Variants in MTFR1L observed in about 807,000 individuals in gnomAD.
MTFR1L encodes mitochondrial fission regulator 1 like.
A neutral mutation model predicts 27.9 loss-of-function variants in MTFR1L; 10 were observed. That is an observed-to-expected ratio of 0.36 (90% CI 0.22 to 0.61). MTFR1L has a LOEUF of 0.61. Among genes scored for constraint, MTFR1L ranks in the 20% least tolerant of loss-of-function variants. The probability of loss-of-function intolerance (pLI) is 0.73; values close to 1 mark genes in which losing one functional copy is unlikely to be tolerated. For synonymous variants in MTFR1L, 151 were observed against 139.4 expected (o/e 1.08, Z -0.58); for missense variants, 315 against 363.7 (o/e 0.87, Z 1.09).
intron 1 of MTFR1L, chr1:25,821,870 A>C (rs2048097833): frequency 6.6e-6 from 1 of 152,024 alleles, no homozygotes; most frequent in South Asian, 2.1e-4. Context: ...ATGTCCTATC[A>C]CTCTGCTGGA....
In MTFR1L at chr1:25,831,925, C is replaced by T. The variant is rs747804055; in HGVS notation, c.778C>T (p.Arg260Trp). 20 of 1,613,796 alleles carry T rather than the reference C, an allele frequency of 1.2e-5. No individual in the cohort carries two copies. In the East Asian group the frequency reaches 1.6e-4, roughly 13 times the overall value. Residue 260 changes from arginine (R) to tryptophan (W), a missense_variant, in exon 7 of 7, where the codon CGG becomes TGG. By Grantham distance (101) the Arg-to-Trp change is moderately radical. Transcript: ENST00000374303. ...HRMKQSQDLNRSLLKEEDPAV... is the reference protein window; with the variant it reads ...HRMKQSQDLNWSLLKEEDPAV... ...AAGCTATTATTGTGTCTCTAGGAAC[C>T]GGAGTTTATTGAAGGAGGAAGACCC... is the stretch of plus-strand genomic sequence containing the variant.
intron 1 of MTFR1L, chr1:25,820,845 T>C: frequency 2.6e-6 from 1 of 382,278 alleles, no homozygotes. Context: ...CTAGTTCCTC[T>C]CGCGAGGACT....
At chr1:25,831,034 C>T (rs895567065) in intron 6 of MTFR1L, among the ~76,000 whole-genome samples, 16 of 152,288 alleles carry the variant, frequency 1.1e-4, no homozygotes, top group Admixed American at 1.0e-3. Context: ...GCCTTTTGGA[C>T]CAAATTAGAT....
At chr1:25,822,133 C>A (rs1046367353) in intron 1 of MTFR1L, 15 of 152,368 alleles carry the variant, frequency 9.8e-5, no homozygotes, top group African/African-American at 3.6e-4. Flanking sequence ...CTTAAGGTAG[C>A]CTCCAGTGGC....
chr1:25,824,774 GA>G (rs913539007), intron 3 of MTFR1L, among the ~76,000 whole-genome samples: 28 of 147,040 alleles, frequency 1.9e-4, no homozygotes, highest in Middle Eastern at 3.5e-3. Context: ...AGAAGCATCA[GA>G]AAAAAAAAAG....
chr1:25,828,441 G>A (rs1045809100), intron 5 of MTFR1L, among the ~76,000 whole-genome samples: 7 of 152,102 alleles, frequency 4.6e-5, no homozygotes, highest in African/African-American at 1.7e-4. Flanking sequence ...AAATTAGCTG[G>A]GCATCGCAGC....
At chr1:25,820,456 G>C (rs1454677932) in intron 1 of MTFR1L, 2 of 386,448 alleles carry the variant, frequency 5.2e-6, no homozygotes, top group Admixed American at 6.7e-5. Flanking sequence ...TCGCCCTGGC[G>C]GGTCCCCGCG....
intron 5 of MTFR1L, among the ~76,000 whole-genome samples, chr1:25,828,393 G>A (rs977457601): frequency 5.9e-5 from 9 of 152,184 alleles, no homozygotes; most frequent in Admixed American, 2.6e-4. Flanking sequence ...GACCAGCCTG[G>A]CCAACATGGT....
chr1:25,829,836 T>G lies in MTFR1L; in HGVS notation c.773+6T>G. On this transcript the variant is annotated splice_donor_region_variant and intron_variant, in intron 6 of 6. Coordinates refer to ENST00000374303, the MANE Select transcript of MTFR1L (RefSeq NM_001099625.2). ...ATGAAACAGAGTCAAGATCTGTAAG[T>G]ATCTGATGAGGAGCTCTGGTATCTA... 6.3e-7 allele frequency: 1 copy of G among 1,590,882 alleles called. No homozygotes were observed.
chr1:25,820,809 G>T (rs935648903), intron 1 of MTFR1L: 1 of 409,060 alleles, frequency 2.4e-6, no homozygotes. Context: ...GGCAGACACC[G>T]TGCTGTGCGC....
intron 3 of MTFR1L, 82 bp downstream of exon 3, chr1:25,823,830 A>C: frequency 6.6e-7 from 1 of 1,505,066 alleles, no homozygotes; most frequent in Non-Finnish European, 9.0e-7. Flanking sequence ...CTGCCCAAGT[A>C]GGTTGTTTCC....
At chr1:25,824,380 A>G (rs1473933130) in intron 3 of MTFR1L, among the ~76,000 whole-genome samples, 1 of 152,192 alleles carries the variant, frequency 6.6e-6, no homozygotes, top group Non-Finnish European at 1.5e-5. Flanking sequence ...TATTAGTCCC[A>G]GCTGCCTCCC....
intron 1 of MTFR1L, chr1:25,820,952 TGAA>T (rs1303990388): frequency 1.0e-5 from 3 of 300,152 alleles, no homozygotes; most frequent in African/African-American, 4.7e-5. Flanking sequence ...TGAGGAATGA[TGAA>T]GAATGAGCTC....
rs2048156002 is a variant in MTFR1L at position 25,825,498 on chromosome 1, T to C, written c.130-804T>C. 3 of 152,300 alleles carry C rather than the reference T, an allele frequency of 2.0e-5. No individual in the cohort carries two copies. In the South Asian group the frequency reaches 6.2e-4, roughly 32 times the overall value. The allele number at this position is 152,300 out of a possible 1,614,324, so 9.4% of individuals were successfully genotyped here. A position where few individuals can be genotyped will look rare whatever the true frequency, so the allele number is the denominator to read the frequency against. On this transcript the variant is annotated intron_variant, in intron 3 of 6. Transcript: ENST00000374303. ...ATGACTGAATCCTAATTTTTCACTT[T>C]ACTCAACATCTCTAGGTTGAGGAGC...
At chr1:25,821,746 T>G (rs1205000570) in intron 1 of MTFR1L, 2 of 152,346 alleles carry the variant, frequency 1.3e-5, no homozygotes, top group Admixed American at 6.5e-5. Flanking sequence ...CTCTTGCTGT[T>G]TTGTCTTCAT....
rs1252711321 is a variant in MTFR1L, at chr1:25,829,746, G to A, written c.689G>A (p.Cys230Tyr). 1 of 1,613,270 alleles carries A rather than the reference G, an allele frequency of 6.2e-7. No homozygotes were observed. Among genetic ancestry groups the A allele is most frequent in the Non-Finnish European group, 8.5e-7 (1 of 1,180,046 alleles). The part of the protein sequence containing the change: ...AACSSSEEDD[C>Y]VSLSKASSFA... ...TGCAGTTCGTCTGAAGAGGATGACT[G>A]CGTCTCTTTGTCCAAGGCCAGCAGC... Residue 230 changes from cysteine (C) to tyrosine (Y), a missense_variant, in exon 6 of 7, where the codon TGC becomes TAC. Physicochemically the swap from Cys to Tyr is radical, Grantham distance 194. Transcript: ENST00000374303.
chr1:25,830,271 C>T (rs1246875049), intron 6 of MTFR1L, among the ~76,000 whole-genome samples: 1 of 152,170 alleles, frequency 6.6e-6, no homozygotes, highest in Non-Finnish European at 1.5e-5. Flanking sequence ...CTTTAAAATA[C>T]AGTGGTCCAT....
Position 25,826,648 on chromosome 1 carries a change from A to T in MTFR1L, c.273A>T (p.Lys91Asn). 1 of 1,614,166 alleles carries T rather than the reference A, an allele frequency of 6.2e-7. No individual in the cohort carries two copies. The highest frequency in any genetic ancestry group is 1.1e-5 in the South Asian group (1 of 91,084). The change falls in exon 5 of 7, where the codon AAA becomes AAT. Residue 91 changes from lysine (K) to asparagine (N), a missense_variant. Lys to Asn is a moderately conservative substitution (Grantham distance 94). Transcript: ENST00000374303. This position sits in a 1 kb window ranked among gnomAD's most constrained non-coding sequence, Gnocchi z 4.1. Reference protein sequence around the residue: ...SDTRPLRHTWKPSPLIVMQRN... With the variant: ...SDTRPLRHTWNPSPLIVMQRN... ...CGCGCCCCCTGAGGCACACCTGGAA[A>T]CCCAGCCCTCTGATTGTCATGCAGC...
At chr1:25,822,923 C>A in intron 1 of MTFR1L, 96 bp from the exon 2 acceptor site, 2 of 1,012,168 alleles carry the variant, frequency 2.0e-6, no homozygotes, top group South Asian at 1.3e-5. Context: ...GAAGTCATGG[C>A]TCTGCAGGGC....
Sources: allele counts gnomAD v4.1 joint callset (sites outside exome capture counted in the v4.1 genomes callset), GRCh38; gene constraint gnomAD v4.1.1; non-coding constraint Gnocchi (gnomAD v3.1); transcripts MANE v1.5; gene names NCBI Gene and HGNC (gene_info 2026-07-23, HGNC 2026-07-21).